The following ANXA4 variants were observed in gnomAD, a reference collection of about 807,000 sequenced individuals.
The protein encoded by ANXA4 is annexin A4, also known as 35-beta calcimedin.
In ANXA4, 39 loss-of-function variants were observed where a neutral mutation model predicts 49.8. That is an observed-to-expected ratio of 0.78 (90% CI 0.61 to 1.02). The LOEUF (loss-of-function observed/expected upper bound fraction) is 1.02. ANXA4 is among the 50% of genes least tolerant of loss of function. The probability of loss-of-function intolerance (pLI) is 0.00; values close to 1 mark genes in which losing one functional copy is unlikely to be tolerated. For synonymous variants in ANXA4, 134 were observed against 152.5 expected, an observed-to-expected ratio of 0.88 and a Z score of 0.89; for missense variants, 360 against 410.1, an observed-to-expected ratio of 0.88 and a Z score of 1.05.
At chr2:69,705,392 CTTTTT>C (rs1678454421) in intron 2 of ANXA4, among the ~76,000 whole-genome samples, 1 of 152,154 alleles carries the variant, frequency 6.6e-6, no homozygotes, top group Non-Finnish European at 1.5e-5. Flanking sequence ...TTAGTCTCTA[CTTTTT>C]CTACAATGAA....
chr2:69,706,259 A>T, intron 2 of ANXA4, among the ~76,000 whole-genome samples: 1 of 89,328 alleles, frequency 1.1e-5, no homozygotes, highest in Admixed American at 1.1e-4. Flanking sequence ...TTTTCCTTTG[A>T]TCTGTTAATA....
At chr2:69,698,567 G>A (rs955516976) in intron 2 of ANXA4, among the ~76,000 whole-genome samples, 3 of 152,182 alleles carry the variant, frequency 2.0e-5, no homozygotes, top group African/African-American at 7.2e-5. Context: ...GAGGGCCTGG[G>A]GGCAGGAGTG....
Position 69,769,652 on chromosome 2 carries a change from T to G in ANXA4, c.-46-11868T>G, listed in dbSNP as rs111320249. Among the ~76,000 whole-genome samples, 627 of 152,296 alleles carry G rather than the reference T, an allele frequency of 4.1e-3. 6 individuals are homozygous for G. The highest frequency in any genetic ancestry group is 0.014 in the African/African-American group (579 of 41,560). On this transcript the variant is annotated intron_variant, in intron 1 of 12. Coordinates refer to ENST00000394295, the MANE Select transcript of ANXA4 (RefSeq NM_001153.5). Reference sequence around the variant, plus strand: ...AGAGAAGGCGTGGGATGTTTTAAATTATATGTAAAATACATTTTTTTATTT... The same window carrying G: ...AGAGAAGGCGTGGGATGTTTTAAATGATATGTAAAATACATTTTTTTATTT...
intron 2 of ANXA4, among the ~76,000 whole-genome samples, chr2:69,654,680 G>A (rs1269824540): frequency 2.0e-5 from 3 of 152,082 alleles, no homozygotes; most frequent in African/African-American, 4.8e-5. Flanking sequence ...TGCTGGATTC[G>A]GTTTGCCAGT....
intron 3 of ANXA4, among the ~76,000 whole-genome samples, chr2:69,724,790 C>T (rs942431576): frequency 6.6e-6 from 1 of 152,204 alleles, no homozygotes; most frequent in Non-Finnish European, 1.5e-5. Flanking sequence ...CTCATTCGGC[C>T]ACGCTGCTCT....
intron 1 of ANXA4, among the ~76,000 whole-genome samples, chr2:69,752,274 G>A (rs1670875085): frequency 6.6e-6 from 1 of 152,188 alleles, no homozygotes; most frequent in African/African-American, 2.4e-5. Context: ...TGAGTATTGA[G>A]GGACAGGTCC....
chr2:69,784,819 T>C (rs1377901501), intron 2 of ANXA4, among the ~76,000 whole-genome samples: 2 of 152,214 alleles, frequency 1.3e-5, no homozygotes, highest in Non-Finnish European at 2.9e-5. Flanking sequence ...GGCTTGCTGC[T>C]GCATAACTTC....
chr2:69,748,228 A>C (rs1670696501), intron 1 of ANXA4, among the ~76,000 whole-genome samples: 1 of 151,972 alleles, frequency 6.6e-6, no homozygotes, highest in Middle Eastern at 3.4e-3. Flanking sequence ...ATACAAAAAA[A>C]ATTAGCCGGG....
At chr2:69,776,971 A>C (rs1477740711) in intron 1 of ANXA4, among the ~76,000 whole-genome samples, 1 of 151,788 alleles carries the variant, frequency 6.6e-6, no homozygotes, top group East Asian at 1.9e-4. Context: ...GGTTCCCATG[A>C]CCCCCTGTTG....
intron 2 of ANXA4, among the ~76,000 whole-genome samples, chr2:69,676,593 A>T (rs911498603): frequency 6.6e-6 from 1 of 152,328 alleles, no homozygotes; most frequent in East Asian, 1.9e-4. Flanking sequence ...AAAATAAAGT[A>T]TAAATTAAAA....
intron 2 of ANXA4, among the ~76,000 whole-genome samples, chr2:69,696,791 T>C (rs1337848047): frequency 1.3e-5 from 2 of 152,226 alleles, no homozygotes; most frequent in African/African-American, 4.8e-5. Flanking sequence ...ACTAGGTGCA[T>C]TGTCAAGAAG....
At chr2:69,677,095 C>A (rs772891493) in intron 2 of ANXA4, among the ~76,000 whole-genome samples, 1 of 152,000 alleles carries the variant, frequency 6.6e-6, no homozygotes, top group East Asian at 1.9e-4. Context: ...GGATTATAGG[C>A]GTGAGCCACC....
rs994114734 is a variant in ANXA4, at chr2:69,786,486, C to T, written c.10-1568C>T. Among the ~76,000 whole-genome samples the T allele has an allele frequency of 2.3e-4, 35 of 152,198 alleles. 1 individual carries two copies. Among genetic ancestry groups the T allele is most frequent in the Admixed American group, 1.9e-3 (29 of 15,276 alleles). On this transcript the variant is annotated intron_variant, in intron 2 of 12. Coordinates refer to ENST00000394295, the MANE Select transcript of ANXA4 (RefSeq NM_001153.5). ...ATGTCCCTATCTCCTTTCTCAAAAC[C>T]TGTCGGTGGCTTTCTACTGTACTTA...
chr2:69,808,350 C>G (rs17037082), intron 6 of ANXA4: 47,387 of 232,686 alleles, frequency 0.2, 5,469 homozygotes, highest in African/African-American at 0.3. Flanking sequence ...GAGGGGCCGT[C>G]TGGCCCAAAT....
chr2:69,669,392 T>C (rs1450091835), intron 2 of ANXA4, among the ~76,000 whole-genome samples: 2 of 151,020 alleles, frequency 1.3e-5, no homozygotes, highest in African/African-American at 2.4e-5. Flanking sequence ...GGCAGATCAC[T>C]GGAGGTCAGG....
intron 12 of ANXA4, 81 bp downstream of exon 12, chr2:69,820,902 C>G (rs1228412738): frequency 2.8e-6 from 4 of 1,451,568 alleles, no homozygotes; most frequent in Non-Finnish European, 3.7e-6. Context: ...CTTGTTGTCC[C>G]CCTCTTCTTG....
intron 2 of ANXA4, among the ~76,000 whole-genome samples, chr2:69,716,783 G>C (rs1280996912): frequency 6.6e-6 from 1 of 152,200 alleles, no homozygotes. Flanking sequence ...AGAACGAAAA[G>C]AGTTGTGTTT....
chr2:69,698,439 G>A (rs895635176), intron 2 of ANXA4, among the ~76,000 whole-genome samples: 23 of 152,102 alleles, frequency 1.5e-4, no homozygotes, highest in African/African-American at 4.6e-4. Flanking sequence ...CTCTTCCCCC[G>A]ACATCTCCCT....
chr2:69,764,773 A>G (rs575512044), intron 1 of ANXA4, among the ~76,000 whole-genome samples: 10 of 152,340 alleles, frequency 6.6e-5, no homozygotes, highest in African/African-American at 1.7e-4. Context: ...TTGTTTTGCA[A>G]CCATCACCAC....
Sources: allele counts gnomAD v4.1 joint callset (sites outside exome capture counted in the v4.1 genomes callset), GRCh38; gene constraint gnomAD v4.1.1; transcripts MANE v1.5; gene names NCBI Gene and HGNC (gene_info 2026-07-23, HGNC 2026-07-21).